The following CDH4 variants were observed in gnomAD, a reference collection of about 807,000 sequenced individuals.
CDH4 encodes the protein cadherin 4, also known as cadherin-4.
Under a neutral mutation model 86.0 loss-of-function variants are expected in CDH4, and 33 were observed. The observed-to-expected ratio is 0.38, with a 90% confidence interval of 0.29 to 0.51. The LOEUF is 0.51. CDH4 is among the 20% of genes least tolerant of loss of function. CDH4 has a pLI of 0.86. For missense variants in CDH4, 1,114 were observed against 1,307.4 expected (o/e 0.85, Z 2.28); for synonymous variants, 555 against 549.4 (o/e 1.01, Z -0.14).
chr20:61,502,183 C>G (rs1263000807), intron 2 of CDH4, among the ~76,000 whole-genome samples: 1 of 152,184 alleles, frequency 6.6e-6, no homozygotes, highest in African/African-American at 2.4e-5. Flanking sequence ...GAAATGATGA[C>G]TCTCTGCTCC....
intron 2 of CDH4, among the ~76,000 whole-genome samples, chr20:61,340,123 ATAT>A (rs1568804837): frequency 6.6e-6 from 1 of 152,206 alleles, no homozygotes; most frequent in Non-Finnish European, 1.5e-5. Context: ...CTGGAAAATA[ATAT>A]TCTGATTGAA....
chr20:61,459,062 G>A (rs1418507566), intron 2 of CDH4, among the ~76,000 whole-genome samples: 1 of 151,242 alleles, frequency 6.6e-6, no homozygotes, highest in African/African-American at 2.4e-5. Flanking sequence ...CCCCCTGGCT[G>A]TCTCCTTTTT....
At chr20:61,772,347 C>T (rs555572867) in intron 3 of CDH4, among the ~76,000 whole-genome samples, 2 of 152,324 alleles carry the variant, frequency 1.3e-5, no homozygotes, top group Admixed American at 1.3e-4. Context: ...ATTTATTTCG[C>T]TCAGCCTTGT....
At chr20:61,875,037 C>A (rs950643830) in intron 7 of CDH4, among the ~76,000 whole-genome samples, 1 of 152,192 alleles carries the variant, frequency 6.6e-6, no homozygotes, top group East Asian at 1.9e-4. Context: ...AACCTGTCAC[C>A]GGGGCTTGCT....
chr20:61,719,190 A>ATT (rs11440327), intron 2 of CDH4: 444 of 390,382 alleles, frequency 1.1e-3, no homozygotes, highest in South Asian at 1.7e-3. Flanking sequence ...CTAATCAGAG[A>ATT]TTTTTTTTTT....
At chr20:61,685,163 C>A (rs6061731) in intron 2 of CDH4, among the ~76,000 whole-genome samples, 7,386 of 152,248 alleles carry the variant, frequency 0.049, 337 homozygotes, top group African/African-American at 0.11. Flanking sequence ...TGGGTATTTG[C>A]TACAGGTGGG....
At chr20:61,712,961 G>T (rs1051482376) in intron 2 of CDH4, among the ~76,000 whole-genome samples, 1 of 152,150 alleles carries the variant, frequency 6.6e-6, no homozygotes, top group African/African-American at 2.4e-5. Context: ...TAGAAACTTT[G>T]CCAGGACACT....
intron 2 of CDH4, among the ~76,000 whole-genome samples, chr20:61,642,266 C>T (rs1468331824): frequency 2.0e-5 from 3 of 152,146 alleles, no homozygotes; most frequent in African/African-American, 7.2e-5. Flanking sequence ...GGCAAAAGTG[C>T]CTGAGGCCCA....
chr20:61,647,690 T>G (rs2087080071), intron 2 of CDH4, among the ~76,000 whole-genome samples: 1 of 151,810 alleles, frequency 6.6e-6, no homozygotes, highest in African/African-American at 2.4e-5. Flanking sequence ...GTTTTCCAAA[T>G]GTGGAGAAGA....
At chr20:61,359,988 T>A (rs957543347) in intron 2 of CDH4, among the ~76,000 whole-genome samples, 2 of 152,180 alleles carry the variant, frequency 1.3e-5, no homozygotes, top group South Asian at 2.1e-4. Flanking sequence ...AATCTGGAGC[T>A]CTTGGTGAGA....
chr20:61,692,846 T>TTG (rs1038582349), intron 2 of CDH4, among the ~76,000 whole-genome samples: 7 of 152,114 alleles, frequency 4.6e-5, no homozygotes, highest in African/African-American at 1.7e-4. Context: ...TTTTTGTTTT[T>TTG]TTTTTTGCAA....
intron 8 of CDH4, among the ~76,000 whole-genome samples, chr20:61,910,112 C>T (rs2054832896): frequency 6.6e-6 from 1 of 152,240 alleles, no homozygotes; most frequent in South Asian, 2.1e-4. Flanking sequence ...ACGGTGTGTT[C>T]TGTTTGTGAA....
In CDH4 at chr20:61,582,831, A is replaced by G. The variant is rs1469052863; in HGVS notation, c.170-160732A>G. On this transcript the variant is annotated intron_variant, in intron 2 of 15. Coordinates refer to ENST00000614565, the MANE Select transcript of CDH4 (RefSeq NM_001794.5). The surrounding 1 kb of genome is among the most constrained non-coding windows in gnomAD (Gnocchi z 4.2). ...CCACTCATCTAAGCTGTGCAAATCA[A>G]CGATGTCTACATTCAGAGTTGTGCA... Among the ~76,000 whole-genome samples, 1 of 152,122 alleles carries G rather than the reference A, an allele frequency of 6.6e-6. No individual in the cohort carries two copies. Among genetic ancestry groups the G allele is most frequent in the African/African-American group, 2.4e-5 (1 of 41,422 alleles).
intron 2 of CDH4, among the ~76,000 whole-genome samples, chr20:61,714,274 C>T (rs1488231761): frequency 2.0e-5 from 3 of 151,992 alleles, no homozygotes; most frequent in Non-Finnish European, 4.4e-5. Flanking sequence ...TCTCCATCTC[C>T]TGACCTCATG....
chr20:61,747,490 G>A (rs1364146508), intron 3 of CDH4, among the ~76,000 whole-genome samples: 1 of 151,630 alleles, frequency 6.6e-6, no homozygotes, highest in Non-Finnish European at 1.5e-5. Context: ...CAGAGCATGG[G>A]GCAATCAGAG....
At chr20:61,927,456 G>A (rs886666581) in intron 11 of CDH4, among the ~76,000 whole-genome samples, 9 of 152,182 alleles carry the variant, frequency 5.9e-5, no homozygotes, top group South Asian at 2.1e-4. Context: ...ACCTCCTGCC[G>A]GGCCAGGAGG....
intron 2 of CDH4, among the ~76,000 whole-genome samples, chr20:61,599,351 T>G (rs937060993): frequency 2.0e-5 from 3 of 152,134 alleles, no homozygotes; most frequent in African/African-American, 7.2e-5. Context: ...GCACGCTGGA[T>G]GGATGTGCCT....
chr20:61,351,681 C>T (rs546209556), intron 2 of CDH4, among the ~76,000 whole-genome samples: 29 of 152,048 alleles, frequency 1.9e-4, no homozygotes, highest in African/African-American at 7.0e-4. Flanking sequence ...GTGTAACAAA[C>T]TAATCCAGTT....
At chr20:61,923,236 CCT>C (rs2055003210) in intron 9 of CDH4, among the ~76,000 whole-genome samples, 1 of 152,206 alleles carries the variant, frequency 6.6e-6, no homozygotes, top group African/African-American at 2.4e-5. Context: ...AGACCTCCTC[CCT>C]CTCTCCTCCC....
Sources: gnomAD v4.1 joint callset for allele counts (sites outside exome capture counted in the v4.1 genomes callset) on GRCh38, gnomAD v4.1.1 for gene constraint, Gnocchi (gnomAD v3.1) non-coding constraint, MANE v1.5 for transcripts, NCBI Gene and HGNC (gene_info 2026-07-23, HGNC 2026-07-21) for gene names.